The following SLC1A1 variants were observed in gnomAD, a reference collection of about 807,000 sequenced individuals.
SLC1A1 encodes the protein solute carrier family 1 member 1, also known as excitatory amino acid transporter 3.
In SLC1A1, 43 loss-of-function variants were observed where a neutral mutation model predicts 53.3. The observed-to-expected ratio is 0.81, with a 90% CI of 0.63 to 1.04. The LOEUF is 1.04. Among genes scored for constraint, SLC1A1 ranks in the 50% least tolerant of loss-of-function variants. The pLI, the probability that SLC1A1 is intolerant of heterozygous loss-of-function variation, is 0.00. For synonymous variants in SLC1A1, 307 were observed against 243.2 expected (o/e 1.26, Z -2.44); for missense variants, 748 against 664.9 (o/e 1.12, Z -1.37).
chr9:4,576,069 G>T lies in SLC1A1; in HGVS notation c.944G>T (p.Arg315Leu). Residue 315 changes from arginine to leucine, a missense_variant, in exon 9 of 12, where the codon CGA becomes CTA. Transcript: ENST00000262352. ...ATAGTCGTACGAAAGAACCCTTTCC[G>T]ATTTGCCATGGGAATGGCCCAGGCT... ...YFIVVRKNPF[R>L]FAMGMAQALL... The T allele has an allele frequency of 6.2e-7, 1 of 1,613,538 alleles. No homozygotes were observed. Among genetic ancestry groups the T allele is most frequent in the East Asian group, 2.2e-5 (1 of 44,886 alleles).
chr9:4,572,119 C>T (rs1820113370), intron 6 of SLC1A1, 85 bp from the exon 7 acceptor site: 2 of 1,126,522 alleles, frequency 1.8e-6, no homozygotes, highest in Non-Finnish European at 2.7e-6. Flanking sequence ...TATGTTTGGT[C>T]ATTGTATCTT....
chr9:4,518,650 G>C (rs1188738900), intron 1 of SLC1A1, among the ~76,000 whole-genome samples: 1 of 152,114 alleles, frequency 6.6e-6, no homozygotes, highest in Non-Finnish European at 1.5e-5. Flanking sequence ...TGTCAATGTA[G>C]TGTCTGTAGC....
At chr9:4,529,275 T>C (rs77812976) in intron 1 of SLC1A1, among the ~76,000 whole-genome samples, 3,711 of 152,276 alleles carry the variant, frequency 0.024, 155 homozygotes, top group African/African-American at 0.086. Context: ...CACCACCTGC[T>C]TCTTCTTACT....
At chr9:4,572,095 G>A (rs1357639259) in intron 6 of SLC1A1, 109 bp from the exon 7 acceptor site, 1 of 930,082 alleles carries the variant, frequency 1.1e-6, no homozygotes, top group East Asian at 2.4e-5. Flanking sequence ...CTGCCTGGGA[G>A]ATCACCAGTT....
chr9:4,559,625 A>T (rs562215417), intron 2 of SLC1A1, among the ~76,000 whole-genome samples: 1 of 152,336 alleles, frequency 6.6e-6, no homozygotes, highest in South Asian at 2.1e-4. Flanking sequence ...ATACAGGTTT[A>T]CTGCCTTTCC....
chr9:4,513,389 G>A (rs766512657), intron 1 of SLC1A1, among the ~76,000 whole-genome samples: 5 of 152,104 alleles, frequency 3.3e-5, no homozygotes, highest in Non-Finnish European at 5.9e-5. Flanking sequence ...TTTAAAAATA[G>A]GCAAAACCTG....
intron 1 of SLC1A1, among the ~76,000 whole-genome samples, chr9:4,517,372 G>A (rs1427298617): frequency 6.6e-6 from 1 of 152,138 alleles, no homozygotes; most frequent in East Asian, 1.9e-4. Flanking sequence ...GTCTTGTCCT[G>A]CCTACTAGAA....
At chr9:4,543,351 A>C (rs1817178979) in intron 1 of SLC1A1, among the ~76,000 whole-genome samples, 1 of 152,222 alleles carries the variant, frequency 6.6e-6, no homozygotes, top group African/African-American at 2.4e-5. Context: ...AAAAGATGCA[A>C]AAGTCATCCC....
chr9:4,582,384 G>C (rs183312818), intron 10 of SLC1A1, among the ~76,000 whole-genome samples: 1 of 152,318 alleles, frequency 6.6e-6, no homozygotes, highest in African/African-American at 2.4e-5. Flanking sequence ...GACAGGATCA[G>C]CTATTTCTCA....
chr9:4,504,268 T>C (rs1820728036), intron 1 of SLC1A1, among the ~76,000 whole-genome samples: 1 of 152,208 alleles, frequency 6.6e-6, no homozygotes, highest in Admixed American at 6.5e-5. Flanking sequence ...AGCTACGGTA[T>C]TTAGCAACTC....
intron 8 of SLC1A1, 88 bp from the exon 9 acceptor site, chr9:4,575,913 T>C (rs144115678): frequency 3.5e-5 from 53 of 1,500,778 alleles, no homozygotes; most frequent in Non-Finnish European, 4.5e-5. Context: ...CAAACAATTT[T>C]ATAAATTAAA....
chr9:4,505,110 G>C (rs1402937556), intron 1 of SLC1A1, among the ~76,000 whole-genome samples: 1 of 143,024 alleles, frequency 7.0e-6, no homozygotes, highest in Non-Finnish European at 1.5e-5. Flanking sequence ...GCAGCGGCAT[G>C]ATCTTGGCTC....
intron 1 of SLC1A1, among the ~76,000 whole-genome samples, chr9:4,497,953 T>C (rs1444516802): frequency 1.3e-5 from 2 of 152,178 alleles, no homozygotes; most frequent in African/African-American, 4.8e-5. Context: ...GACTATCTGG[T>C]ATGATCTTTA....
chr9:4,544,467 G>A, intron 1 of SLC1A1, 100 bp from the exon 2 acceptor site: 1 of 994,460 alleles, frequency 1.0e-6, no homozygotes, highest in Non-Finnish European at 1.6e-6. Flanking sequence ...TATTTTTCTT[G>A]CCATTAAAAT....
rs544415916 is a variant in SLC1A1 at position 4,526,883 on chromosome 9, G to A, written c.92-17684G>A. Reference sequence around the variant, plus strand: ...TGCATAATCCCCTTACTTTAAGTGTGGATATGATGGGATTTCACATTCATA... The same window carrying A: ...TGCATAATCCCCTTACTTTAAGTGTAGATATGATGGGATTTCACATTCATA... On this transcript the variant is annotated intron_variant, in intron 1 of 11. Coordinates refer to ENST00000262352, the MANE Select transcript of SLC1A1 (RefSeq NM_004170.6). 8.6e-5 allele frequency among the ~76,000 whole-genome samples: 13 copies of A among 152,032 alleles called. 1 individual carries two copies. In the East Asian group the frequency reaches 2.5e-3, roughly 29 times the overall value.
intron 1 of SLC1A1, among the ~76,000 whole-genome samples, chr9:4,522,176 C>A (rs1417307942): frequency 6.6e-6 from 1 of 151,322 alleles, no homozygotes; most frequent in African/African-American, 2.4e-5. Context: ...CTAAGCCTCC[C>A]GAGTAGCTGG....
In SLC1A1 at chr9:4,544,639, C is replaced by T; in HGVS notation, c.164C>T (p.Pro55Leu). The change falls in exon 2 of 12, where the codon CCT becomes CTT. Residue 55 changes from proline to leucine, a missense_variant. Transcript: ENST00000262352. ...STLEKFYFAF[P>L]GEILMRMLKL... ...CTAGAGAAATTCTACTTTGCTTTTC[C>T]TGGAGAAATTCTAATGCGGATGCTG... 1 of 1,613,590 alleles carries T rather than the reference C, an allele frequency of 6.2e-7. No homozygotes were observed. The highest frequency in any genetic ancestry group is 8.5e-7 in the Non-Finnish European group (1 of 1,179,536).
chr9:4,491,350 G>T (rs997755819), intron 1 of SLC1A1, among the ~76,000 whole-genome samples: 2 of 152,214 alleles, frequency 1.3e-5, no homozygotes, highest in Non-Finnish European at 2.9e-5. Context: ...CTGCACCCGG[G>T]CTCTGAAAAG....
intron 1 of SLC1A1, among the ~76,000 whole-genome samples, chr9:4,528,885 C>A (rs1816365788): frequency 6.6e-6 from 1 of 152,096 alleles, no homozygotes. Flanking sequence ...CATTAAGCAT[C>A]TTCCCCTCAG....
Sources: gnomAD v4.1 joint callset for allele counts (sites outside exome capture counted in the v4.1 genomes callset) on GRCh38, gnomAD v4.1.1 for gene constraint, MANE v1.5 for transcripts, NCBI Gene and HGNC (gene_info 2026-07-23, HGNC 2026-07-21) for gene names.